RYR2: variants seen among roughly 807,000 people sequenced by gnomAD.
RYR2 encodes the protein cardiac muscle ryanodine receptor-calcium release channel.
Under a neutral mutation model 601.1 loss-of-function variants are expected in RYR2, and 227 were observed. That is an observed-to-expected ratio of 0.38 (90% confidence interval 0.34 to 0.42). The LOEUF is 0.42. Ranked by LOEUF, RYR2 falls within the 10% of genes least tolerant of loss-of-function variation. The pLI, the probability that RYR2 is intolerant of heterozygous loss-of-function variation, is 1.00. For missense variants in RYR2, 4,646 were observed against 6,156.5 expected (o/e 0.75, Z 8.21); for synonymous variants, 2,223 against 2,175.1 (o/e 1.02, Z -0.61).
chr1:237,551,648 G>A (rs1670417881), intron 27 of RYR2, among the ~76,000 whole-genome samples: 1 of 152,072 alleles, frequency 6.6e-6, no homozygotes, highest in Non-Finnish European at 1.5e-5. Flanking sequence ...ACAAATTACG[G>A]TTGTGTGCTT....
intron 44 of RYR2, among the ~76,000 whole-genome samples, chr1:237,637,182 T>C (rs1378250978): frequency 6.6e-6 from 1 of 152,218 alleles, no homozygotes; most frequent in Non-Finnish European, 1.5e-5. Flanking sequence ...GCACATTGGT[T>C]CTCTTGCTTC....
At chr1:237,246,764 A>C (rs1425328681) in intron 1 of RYR2, among the ~76,000 whole-genome samples, 1 of 152,014 alleles carries the variant, frequency 6.6e-6, no homozygotes. Context: ...TTTTTGCAGC[A>C]TTTGCTTTCT....
At chr1:237,089,161 C>T (rs939397225) in intron 1 of RYR2, among the ~76,000 whole-genome samples, 8 of 152,214 alleles carry the variant, frequency 5.3e-5, no homozygotes, top group Non-Finnish European at 1.0e-4. Context: ...ATTTCATCTG[C>T]CTCCAACTTA....
rs1173261409 is a variant in RYR2, at chr1:237,387,398, A to G, written c.676+18A>G. The G allele has an allele frequency of 1.2e-5, 20 of 1,607,090 alleles. No individual in the cohort carries two copies. In the East Asian group the frequency reaches 1.3e-4, roughly 11 times the overall value. On this transcript the variant is annotated intron_variant, in intron 9 of 104. Coordinates refer to ENST00000366574, the MANE Select transcript of RYR2 (RefSeq NM_001035.3). The stretch of plus-strand genomic sequence containing the variant: ...AGCCCAAGGTAAAAACTCCACTTCA[A>G]TTAGAGGGCCTGTCCTTGCTGCAAA...
At chr1:237,502,798 C>T (rs2150489766) in intron 21 of RYR2, among the ~76,000 whole-genome samples, 1 of 146,820 alleles carries the variant, frequency 6.8e-6, no homozygotes, top group African/African-American at 2.5e-5. Flanking sequence ...GGAAATTGGA[C>T]ATTGAAAAGT....
chr1:237,692,359 C>G (rs1687018205), intron 63 of RYR2, among the ~76,000 whole-genome samples: 3 of 152,204 alleles, frequency 2.0e-5, no homozygotes, highest in Non-Finnish European at 4.4e-5. Context: ...ACCATTCTCT[C>G]TGAATCCCCT....
chr1:237,288,456 G>C (rs1320650406), intron 2 of RYR2, among the ~76,000 whole-genome samples: 1 of 151,680 alleles, frequency 6.6e-6, no homozygotes, highest in Non-Finnish European at 1.5e-5. Flanking sequence ...GCACGTTTGA[G>C]CTCAGACTGT....
At chr1:237,322,938 A>T (rs1695777584) in intron 2 of RYR2, among the ~76,000 whole-genome samples, 1 of 151,856 alleles carries the variant, frequency 6.6e-6, no homozygotes, top group Non-Finnish European at 1.5e-5. Flanking sequence ...GAACTGCAAC[A>T]GTGTTTCAAA....
At chr1:237,508,881 T>C (rs373560778) in intron 23 of RYR2, among the ~76,000 whole-genome samples, 5 of 150,648 alleles carry the variant, frequency 3.3e-5, no homozygotes, top group South Asian at 2.1e-4. Flanking sequence ...TAGCTGGGAC[T>C]ACAGGCGCCC....
chr1:237,262,245 G>GTTGTTTTTTTTTTTTTT (rs1688599609), intron 1 of RYR2, among the ~76,000 whole-genome samples: 2 of 61,106 alleles, frequency 3.3e-5, no homozygotes, highest in African/African-American at 1.2e-4. Context: ...GTTCTAAAGA[G>GTTGTTTTTTTTTTTTTT]TTTTTTTTTT....
intron 1 of RYR2, among the ~76,000 whole-genome samples, chr1:237,155,047 G>A (rs1394655648): frequency 1.3e-5 from 2 of 152,154 alleles, no homozygotes; most frequent in African/African-American, 4.8e-5. Flanking sequence ...GGATGTTGGG[G>A]CTTTCTTTGG....
At chr1:237,551,487 C>G (rs1403559992) in intron 27 of RYR2, among the ~76,000 whole-genome samples, 2 of 148,288 alleles carry the variant, frequency 1.3e-5, no homozygotes, top group Non-Finnish European at 3.0e-5. Flanking sequence ...GCCGAGATGG[C>G]GCCACTGCAC....
At chr1:237,781,443 C>T in intron 88 of RYR2, 122 bp from the exon 89 acceptor site, 1 of 586,414 alleles carries the variant, frequency 1.7e-6, no homozygotes. Context: ...TCCTTTAGTT[C>T]CATAATGCTT....
At chr1:237,488,977 T>A (rs779021801) in intron 17 of RYR2, among the ~76,000 whole-genome samples, 4 of 152,158 alleles carry the variant, frequency 2.6e-5, no homozygotes, top group Non-Finnish European at 4.4e-5. Flanking sequence ...AGCAGCCAGA[T>A]AGTTACTATT....
At chr1:237,127,731 C>T (rs535180157) in intron 1 of RYR2, among the ~76,000 whole-genome samples, 1 of 150,706 alleles carries the variant, frequency 6.6e-6, no homozygotes, top group Admixed American at 6.6e-5. Flanking sequence ...CAGAGGTGCT[C>T]CTCACATCCC....
chr1:237,477,393 AAAAAG>A (rs990559139), intron 17 of RYR2, among the ~76,000 whole-genome samples: 1 of 152,094 alleles, frequency 6.6e-6, no homozygotes, highest in African/African-American at 2.4e-5. Flanking sequence ...CCGTCTCAAA[AAAAAG>A]AAAAGAAAAC....
chr1:237,747,666 G>A (rs1463707674), intron 80 of RYR2, among the ~76,000 whole-genome samples: 1 of 152,082 alleles, frequency 6.6e-6, no homozygotes, highest in East Asian at 1.9e-4. Flanking sequence ...TGCCCTCCAT[G>A]GCTACATAAT....
In RYR2 at chr1:237,246,968, A is replaced by G. The variant is rs909012775; in HGVS notation, c.49-23529A>G. Among the ~76,000 whole-genome samples, 10 of 152,308 alleles carry G rather than the reference A, an allele frequency of 6.6e-5. No homozygotes were observed. The South Asian group carries it at 2.1e-3, about 32-fold the overall frequency. On this transcript the variant is annotated intron_variant, in intron 1 of 104. Transcript: ENST00000366574. ...ATGCATACAAAGTTTCGTCTCAGTT[A>G]CCACCTTATTTCTTGTGGTCCTACA...
At chr1:237,469,296 G>A in intron 17 of RYR2, 109 bp downstream of exon 17, 1 of 609,030 alleles carries the variant, frequency 1.6e-6, no homozygotes, top group South Asian at 2.2e-5. Flanking sequence ...TGAGTGAGGT[G>A]TGGTGGTGTG....
Sources: allele counts gnomAD v4.1 joint callset (sites outside exome capture counted in the v4.1 genomes callset), GRCh38; gene constraint gnomAD v4.1.1; transcripts MANE v1.5; gene names NCBI Gene and HGNC (gene_info 2026-07-23, HGNC 2026-07-21).